Variants in ABCC9 observed in about 807,000 individuals in gnomAD.
ABCC9 encodes the protein ATP binding cassette subfamily C member 9, also known as ATP-binding cassette sub-family C member 9.
In ABCC9, 95 loss-of-function variants were observed where a neutral mutation model predicts 188.3. The ratio of observed to expected loss-of-function variants is 0.50; its 90% CI spans 0.43 to 0.60. The LOEUF (loss-of-function observed/expected upper bound fraction) is 0.60. ABCC9 is among the 20% of genes least tolerant of loss of function. The pLI, the probability that ABCC9 is intolerant of heterozygous loss-of-function variation, is 0.00. For missense variants in ABCC9, 1,102 were observed against 1,876.3 expected (o/e 0.59, Z 7.62); for synonymous variants, 659 against 652.7 (o/e 1.01, Z -0.15).
chr12:21,858,508 G>T (rs1018823373), intron 22 of ABCC9, among the ~76,000 whole-genome samples: 1 of 151,892 alleles, frequency 6.6e-6, no homozygotes, highest in Admixed American at 6.6e-5. Context: ...GAACTTGGGA[G>T]GTGGAGGTTG....
intron 35 of ABCC9, among the ~76,000 whole-genome samples, chr12:21,812,478 A>G (rs1942312426): frequency 6.6e-6 from 1 of 152,236 alleles, no homozygotes; most frequent in South Asian, 2.1e-4. Flanking sequence ...GAGTGGATAA[A>G]GAAAATATGG....
intron 14 of ABCC9, among the ~76,000 whole-genome samples, chr12:21,888,480 G>A (rs1305840031): frequency 6.6e-6 from 1 of 152,054 alleles, no homozygotes; most frequent in Non-Finnish European, 1.5e-5. Context: ...AAGGAGAGGG[G>A]ACTCTAGAGT....
intron 12 of ABCC9, among the ~76,000 whole-genome samples, chr12:21,900,835 A>T (rs11046226): frequency 0.35 from 52,881 of 152,114 alleles, 9,574 homozygotes; most frequent in Admixed American, 0.39. Context: ...TGATTGGGGT[A>T]CCTGAAAGTG....
chr12:21,829,869 A>G (rs1307203909), intron 30 of ABCC9, among the ~76,000 whole-genome samples: 1 of 152,224 alleles, frequency 6.6e-6, no homozygotes, highest in Non-Finnish European at 1.5e-5. Flanking sequence ...TGCAATTGGC[A>G]AAAATATACT....
chr12:21,851,072 T>C (rs1187248363), intron 24 of ABCC9, among the ~76,000 whole-genome samples: 1 of 152,074 alleles, frequency 6.6e-6, no homozygotes, highest in Non-Finnish European at 1.5e-5. Context: ...GACAGATCCT[T>C]TATTTTCTTT....
chr12:21,915,514 A>ATATATATTTTTTTTTTTTTTT, intron 7 of ABCC9, among the ~76,000 whole-genome samples, 154 bp downstream of exon 7: 2 of 3,520 alleles, frequency 5.7e-4, no homozygotes, highest in Non-Finnish European at 9.3e-4. Flanking sequence ...ATATATATAT[A>ATATATATTTTTTTTTTTTTTT]TTTTTTTTTT....
intron 24 of ABCC9, among the ~76,000 whole-genome samples, chr12:21,850,116 C>G (rs1944885994): frequency 1.3e-5 from 2 of 151,176 alleles, no homozygotes; most frequent in Admixed American, 6.6e-5. Context: ...CGCACTGTTG[C>G]AGGGTCTGCC....
intron 17 of ABCC9, among the ~76,000 whole-genome samples, chr12:21,873,928 C>G (rs541341350): frequency 5.2e-4 from 79 of 152,102 alleles, no homozygotes; most frequent in African/African-American, 1.8e-3. Flanking sequence ...AAAGAAAGAA[C>G]TTCTTGGCAT....
At chr12:21,870,199 T>A (rs191729743) in intron 18 of ABCC9, among the ~76,000 whole-genome samples, 1 of 152,224 alleles carries the variant, frequency 6.6e-6, no homozygotes, top group Non-Finnish European at 1.5e-5. Context: ...ATTGAAGACA[T>A]TAAGAATTAA....
intron 16 of ABCC9, among the ~76,000 whole-genome samples, chr12:21,881,707 AACACAC>A (rs3062604): frequency 5.4e-5 from 8 of 148,172 alleles, no homozygotes; most frequent in East Asian, 2.0e-4. Context: ...CCTAGGGAAC[AACACAC>A]ACACACACAC....
At chr12:21,897,708 A>C (rs1947493862) in intron 12 of ABCC9, among the ~76,000 whole-genome samples, 1 of 152,206 alleles carries the variant, frequency 6.6e-6, no homozygotes, top group South Asian at 2.1e-4. Flanking sequence ...ACAAAATAAT[A>C]AAACTTGAAG....
At chr12:21,881,806 C>A (rs1364911887) in intron 16 of ABCC9, among the ~76,000 whole-genome samples, 1 of 151,962 alleles carries the variant, frequency 6.6e-6, no homozygotes, top group Non-Finnish European at 1.5e-5. Flanking sequence ...CTTTAAAATT[C>A]ATATGTGACA....
chr12:21,863,181 TAA>T, intron 19 of ABCC9, 127 bp from the exon 20 acceptor site: 1 of 681,630 alleles, frequency 1.5e-6, no homozygotes. Context: ...GGAAAACTTC[TAA>T]AAGAGAAAAA....
intron 28 of ABCC9, among the ~76,000 whole-genome samples, chr12:21,843,010 A>G (rs1229797818): frequency 1.3e-5 from 2 of 151,984 alleles, no homozygotes; most frequent in African/African-American, 4.8e-5. Context: ...TATCTATTGT[A>G]TTTAAATTTA....
intron 5 of ABCC9, 34 bp from the exon 6 acceptor site, chr12:21,917,137 A>G (rs1948630194): frequency 2.5e-6 from 4 of 1,604,726 alleles, no homozygotes; most frequent in Non-Finnish European, 2.6e-6. Flanking sequence ...GAAAGATGCA[A>G]TCTTTTCTTA....
At chr12:21,818,385 T>C in intron 31 of ABCC9, 134 bp from the exon 32 acceptor site, 2 of 730,380 alleles carry the variant, frequency 2.7e-6, no homozygotes, top group Admixed American at 2.0e-5. Context: ...AGAGGAAGAA[T>C]ACCTAAGATG....
At chr12:21,894,227 C>T (rs905485392) in intron 13 of ABCC9, 53 bp from the exon 14 acceptor site, 30 of 1,594,916 alleles carry the variant, frequency 1.9e-5, no homozygotes, top group Admixed American at 5.0e-5. Flanking sequence ...GTCACACATG[C>T]GTACATTCAG....
chr12:21,860,091 T>TAA (rs34184072), intron 21 of ABCC9, among the ~76,000 whole-genome samples: 55 of 150,776 alleles, frequency 3.6e-4, no homozygotes, highest in Admixed American at 8.6e-4. Context: ...ACTTACACTT[T>TAA]AAAAAAAAAA....
intron 20 of ABCC9, among the ~76,000 whole-genome samples, 175 bp from the exon 21 acceptor site, chr12:21,861,230 C>T (rs1302570570): frequency 1.4e-5 from 2 of 146,668 alleles, no homozygotes; most frequent in Non-Finnish European, 1.5e-5. Flanking sequence ...ACTTCCCCCC[C>T]CTTTTTTTTT....
Sources: gnomAD v4.1 joint callset for allele counts (sites outside exome capture counted in the v4.1 genomes callset) on GRCh38, gnomAD v4.1.1 for gene constraint, MANE v1.5 for transcripts, NCBI Gene and HGNC (gene_info 2026-07-23, HGNC 2026-07-21) for gene names.